USP4: variants seen among roughly 807,000 people sequenced by gnomAD.
USP4 encodes the protein ubiquitin specific peptidase 4, also known as ubiquitin carboxyl-terminal hydrolase 4.
In USP4, 72 loss-of-function variants were observed where a neutral mutation model predicts 118.2. The observed-to-expected ratio is 0.61, with a 90% CI of 0.50 to 0.74. The LOEUF is 0.74. USP4 is among the 30% of genes least tolerant of loss of function. The pLI, the probability that USP4 is intolerant of heterozygous loss-of-function variation, is 0.00. For synonymous variants in USP4, 415 were observed against 440.4 expected (o/e 0.94, Z 0.72); for missense variants, 1,037 against 1,185.7 (o/e 0.87, Z 1.84).
At chr3:49,330,140 C>A (rs964874225) in intron 2 of USP4, among the ~76,000 whole-genome samples, 1 of 151,452 alleles carries the variant, frequency 6.6e-6, no homozygotes, top group African/African-American at 2.4e-5. Flanking sequence ...CACTGCACTC[C>A]AGCCTGGGCA....
intron 20 of USP4, among the ~76,000 whole-genome samples, chr3:49,280,393 C>T (rs571328601): frequency 6.6e-6 from 1 of 151,372 alleles, no homozygotes; most frequent in Admixed American, 6.6e-5. Flanking sequence ...AACCCCGTCT[C>T]TACTAAAAAT....
intron 11 of USP4, among the ~76,000 whole-genome samples, chr3:49,299,941 A>C (rs2047248316): frequency 1.3e-5 from 2 of 151,524 alleles, no homozygotes; most frequent in Non-Finnish European, 2.9e-5. Flanking sequence ...GCGTGAATGA[A>C]GTGTGGCCAA....
At chr3:49,339,656 C>G (rs1457168989) in intron 1 of USP4, among the ~76,000 whole-genome samples, 1 of 152,156 alleles carries the variant, frequency 6.6e-6, no homozygotes, top group Admixed American at 6.6e-5. Context: ...AGGGTCCCCA[C>G]CAACCTTCCC....
chr3:49,338,504 C>CA (rs963159651), intron 1 of USP4, among the ~76,000 whole-genome samples: 6 of 150,762 alleles, frequency 4.0e-5, no homozygotes, highest in East Asian at 2.0e-4. Context: ...ACTAAAAATA[C>CA]AAAAAAAATT....
intron 1 of USP4, among the ~76,000 whole-genome samples, chr3:49,338,869 C>G (rs1351095001): frequency 6.6e-6 from 1 of 151,996 alleles, no homozygotes; most frequent in Non-Finnish European, 1.5e-5. Context: ...ACACTCGGGC[C>G]GAGCACGGTG....
intron 11 of USP4, among the ~76,000 whole-genome samples, chr3:49,299,415 C>T (rs771725949): frequency 6.9e-6 from 1 of 144,170 alleles, no homozygotes; most frequent in African/African-American, 2.6e-5. Context: ...TTTTTTGAGA[C>T]GGAGTCTCGC....
intron 6 of USP4, among the ~76,000 whole-genome samples, chr3:49,323,992 C>T (rs925648003): frequency 1.3e-5 from 2 of 151,116 alleles, no homozygotes; most frequent in African/African-American, 4.9e-5. Flanking sequence ...CAAGCTATCA[C>T]TTTTTTTTTG....
rs970619928 is a variant in USP4 at position 49,277,829 on chromosome 3, T to A, written c.*464A>T. On this transcript the variant is annotated 3_prime_UTR_variant, in exon 22 of 22. Coordinates refer to ENST00000265560, the MANE Select transcript of USP4 (RefSeq NM_003363.4). The stretch of plus-strand genomic sequence containing the variant: ...AATTATAAACCCATATCAGTGCACA[T>A]AGCGAGGGAAAGGGGAGTTTACTTG... 1 of 273,950 alleles carries A rather than the reference T, an allele frequency of 3.7e-6. No homozygotes were observed. Among genetic ancestry groups the A allele is most frequent in the Admixed American group, 5.2e-5 (1 of 19,066 alleles). 17.0% of individuals were successfully genotyped at this position (273,950 alleles called of 1,614,324 possible). A position where few individuals can be genotyped will look rare whatever the true frequency, so the allele number is the denominator to read the frequency against.
Position 49,277,477 on chromosome 3 carries a change from A to G in USP4, c.*816T>C. The G allele has an allele frequency of 4.8e-6, 1 of 207,556 alleles. No homozygotes were observed. The highest frequency in any genetic ancestry group is 1.0e-5 in the Non-Finnish European group (1 of 98,676). The allele number at this position is 207,556 out of a possible 1,614,324, so 12.9% of individuals were successfully genotyped here. On this transcript the variant is annotated 3_prime_UTR_variant, in exon 22 of 22. Coordinates refer to ENST00000265560, the MANE Select transcript of USP4 (RefSeq NM_003363.4). ...ACTACCCTAAATCGCCATGAACTGG[A>G]GCCCTTTCCCGGCTAACTCCCACAA...
chr3:49,318,038 G>A (rs754764787), intron 6 of USP4, among the ~76,000 whole-genome samples: 1 of 151,764 alleles, frequency 6.6e-6, no homozygotes, highest in Non-Finnish European at 1.5e-5. Flanking sequence ...GTTTCACCAT[G>A]TTGGCCAGAC....
chr3:49,307,043 C>T (rs1451249704), intron 8 of USP4, among the ~76,000 whole-genome samples: 2 of 151,840 alleles, frequency 1.3e-5, no homozygotes, highest in East Asian at 3.9e-4. Context: ...CTCAGCCTCC[C>T]AAAGTGCTGG....
At chr3:49,311,365 G>A in intron 7 of USP4, 149 bp downstream of exon 7, 1 of 806,966 alleles carries the variant, frequency 1.2e-6, no homozygotes, top group Non-Finnish European at 1.9e-6. Context: ...TTTACTGTAG[G>A]TATGAAATGG....
Position 49,284,097 on chromosome 3 carries a change from T to C in USP4, c.2430A>G (p.Lys810=), listed in dbSNP as rs755766524. 1 of 1,614,224 alleles carries C rather than the reference T, an allele frequency of 6.2e-7. No homozygotes were observed. The highest frequency in any genetic ancestry group is 8.5e-7 in the Non-Finnish European group (1 of 1,180,050). Residue 810 remains lysine (K), a synonymous_variant, in exon 19 of 22, where the codon AAA becomes AAG. Coordinates refer to ENST00000265560, the MANE Select transcript of USP4 (RefSeq NM_003363.4). The part of the protein sequence containing the change: ...PNCKKHQQAT[K]KFDLWSLPKI... ...TGGGCAAGGACCATAGGTCAAACTT[T>C]TTTGTGGCCTGTTGATGCTTCTTAC...
rs1001910451 is a variant in USP4 at position 49,335,716 on chromosome 3, C to T, written c.102-120G>A. ...GGCATATGCAATACCCACTAAAAAA[C>T]ACTGTCACAAGAGCAAGAGCAGGGC... is the stretch of plus-strand genomic sequence containing the variant. On this transcript the variant is annotated intron_variant, in intron 1 of 21. Transcript: ENST00000265560. 4.3e-6 allele frequency: 5 copies of T among 1,171,358 alleles called. No homozygotes were observed. In the East Asian group the frequency reaches 1.2e-4, roughly 28 times the overall value. The allele number at this position is 1,171,358 out of a possible 1,614,324, so 72.6% of individuals were successfully genotyped here. A position where few individuals can be genotyped will look rare whatever the true frequency, so the allele number is the denominator to read the frequency against.
chr3:49,316,157 G>A (rs542909991), intron 6 of USP4, among the ~76,000 whole-genome samples: 145 of 151,990 alleles, frequency 9.5e-4, no homozygotes, highest in Non-Finnish European at 1.1e-3. Flanking sequence ...AGCCGAGATC[G>A]CGCCATTGCA....
chr3:49,288,908 G>A (rs1286205299), intron 15 of USP4, among the ~76,000 whole-genome samples: 1 of 152,018 alleles, frequency 6.6e-6, no homozygotes, highest in African/African-American at 2.4e-5. Flanking sequence ...CCAGGAGTTC[G>A]AGACAAGCCT....
intron 13 of USP4, among the ~76,000 whole-genome samples, chr3:49,295,697 CGT>C (rs1276469422): frequency 1.1e-4 from 16 of 147,936 alleles, no homozygotes; most frequent in Admixed American, 2.7e-4. Context: ...AACATATGCA[CGT>C]GTGCGCGCGC....
chr3:49,327,961 TA>T, intron 2 of USP4, 145 bp from the exon 3 acceptor site: 2 of 678,294 alleles, frequency 2.9e-6, no homozygotes, highest in Non-Finnish European at 4.8e-6. Context: ...CACTGGTCAT[TA>T]TACAGAGCAG....
intron 6 of USP4, chr3:49,318,617 A>G (rs143044262): frequency 1.2e-5 from 12 of 985,374 alleles, no homozygotes; most frequent in Non-Finnish European, 1.4e-5. Context: ...ACAATTAAAT[A>G]TAAACAACCG....
Sources: allele counts gnomAD v4.1 joint callset (sites outside exome capture counted in the v4.1 genomes callset), GRCh38; gene constraint gnomAD v4.1.1; transcripts MANE v1.5; gene names NCBI Gene and HGNC (gene_info 2026-07-23, HGNC 2026-07-21).